Variants in DNMBP observed in about 807,000 individuals in gnomAD.
DNMBP encodes dynamin binding protein, also known as dynamin-binding protein.
In DNMBP, 87 loss-of-function variants were observed where a neutral mutation model predicts 150.0. That is an observed-to-expected ratio of 0.58 (90% CI 0.49 to 0.69). DNMBP has a LOEUF of 0.69. DNMBP is among the 30% of genes least tolerant of loss of function. The pLI, the probability that DNMBP is intolerant of heterozygous loss-of-function variation, is 0.00. For missense variants in DNMBP, 1,774 were observed against 1,949.0 expected (o/e 0.91, Z 1.69); for synonymous variants, 711 against 750.4 (o/e 0.95, Z 0.86).
intron 1 of DNMBP, among the ~76,000 whole-genome samples, chr10:99,989,479 G>A (rs2040863976): frequency 6.6e-6 from 1 of 152,192 alleles, no homozygotes; most frequent in African/African-American, 2.4e-5. Context: ...GGGAGGCTGA[G>A]GCAGGTGGAT....
intron 4 of DNMBP, among the ~76,000 whole-genome samples, chr10:99,931,429 G>A (rs866537000): frequency 1.3e-5 from 2 of 152,188 alleles, no homozygotes; most frequent in Admixed American, 1.3e-4. Flanking sequence ...CCCACCTGCA[G>A]ACAGTTAGTC....
At chr10:99,938,476 G>A (rs561170959) in intron 4 of DNMBP, among the ~76,000 whole-genome samples, 13 of 152,146 alleles carry the variant, frequency 8.5e-5, no homozygotes, top group Admixed American at 6.5e-4. Flanking sequence ...CCTGGGAGGC[G>A]GAGGTTGCAG....
intron 16 of DNMBP, among the ~76,000 whole-genome samples, chr10:99,879,239 C>T (rs1159810898): frequency 2.0e-5 from 3 of 152,044 alleles, no homozygotes; most frequent in Non-Finnish European, 4.4e-5. Context: ...CCGAGGTGGG[C>T]GGATCACTTG....
In DNMBP at chr10:99,976,796, A is replaced by C. The variant is rs900900286; in HGVS notation, c.-10-4662T>G. Among the ~76,000 whole-genome samples, 3 of 151,798 alleles carry C rather than the reference A, an allele frequency of 2.0e-5. No individual in the cohort carries two copies. In the South Asian group the frequency reaches 6.2e-4, roughly 31 times the overall value. On this transcript the variant is annotated intron_variant, in intron 1 of 16. Coordinates refer to ENST00000324109, the MANE Select transcript of DNMBP (RefSeq NM_015221.4). ...CCTAAGTATTTTCTTAAAAAAAAAA[A>C]CACCACACATAATGTCCTGCAAACT...
intron 4 of DNMBP, among the ~76,000 whole-genome samples, chr10:99,918,772 C>T (rs1461789445): frequency 6.6e-6 from 1 of 152,054 alleles, no homozygotes; most frequent in Non-Finnish European, 1.5e-5. Context: ...TCACCATGGT[C>T]TGCAACTTCT....
At chr10:99,992,566 A>G (rs11596321) in intron 1 of DNMBP, among the ~76,000 whole-genome samples, 63,340 of 140,050 alleles carry the variant, frequency 0.45, 14,554 homozygotes, top group African/African-American at 0.59. Context: ...TGGCTCTGTC[A>G]CCCAGGCTGG....
At chr10:100,001,325 G>T (rs1299015893) in intron 1 of DNMBP, among the ~76,000 whole-genome samples, 1 of 147,204 alleles carries the variant, frequency 6.8e-6, no homozygotes, top group Non-Finnish European at 1.5e-5. Flanking sequence ...CTCACCATAG[G>T]GATGTTCACC....
intron 4 of DNMBP, among the ~76,000 whole-genome samples, chr10:99,939,921 T>A (rs777525827): frequency 6.6e-6 from 1 of 152,180 alleles, no homozygotes; most frequent in Non-Finnish European, 1.5e-5. Context: ...ACTGTCCACA[T>A]CCCTATGGTT....
Position 99,926,112 on chromosome 10 carries a change from G to A in DNMBP, c.2261-16966C>T, listed in dbSNP as rs574198119. ...ATTATTTACATGCAAAACAGGTAACGTGGAATTTGAAACACCAGGTCCCCT... is the reference window on the plus strand; with the variant it reads ...ATTATTTACATGCAAAACAGGTAACATGGAATTTGAAACACCAGGTCCCCT... On this transcript the variant is annotated intron_variant, in intron 4 of 16. Coordinates refer to ENST00000324109, the MANE Select transcript of DNMBP (RefSeq NM_015221.4). 3.9e-5 allele frequency among the ~76,000 whole-genome samples: 6 copies of A among 152,232 alleles called. No individual in the cohort carries two copies. In the South Asian group the frequency reaches 8.3e-4, roughly 21 times the overall value.
chr10:99,955,562 C>T lies in DNMBP; in HGVS notation c.1912G>A (p.Val638Met), dbSNP rs2040478376. The T allele has an allele frequency of 1.9e-6, 3 of 1,608,588 alleles. No individual in the cohort carries two copies. Among genetic ancestry groups the T allele is most frequent in the Non-Finnish European group, 2.5e-6 (3 of 1,177,388 alleles). Residue 638 changes from valine (V) to methionine (M), a missense_variant, in exon 4 of 17, where the codon GTG becomes ATG. By Grantham distance (21) the Val-to-Met change is conservative (BLOSUM62 1). Transcript: ENST00000324109. ...GGAGCTGGGCGAGAGGGTCGCACCA[C>T]CAAGGGTGGTGCAGGTTTTAGGTTC... ...DQNLKPAPPL[V>M]VRPSRPAPLP...
chr10:100,004,625 T>C (rs553538929), intron 1 of DNMBP, among the ~76,000 whole-genome samples: 133 of 152,208 alleles, frequency 8.7e-4, no homozygotes, highest in African/African-American at 2.9e-3. Context: ...TGGATTCCTA[T>C]CTAACACATG....
In DNMBP at chr10:99,895,016, T is replaced by C. The variant is rs2039631018; in HGVS notation, c.3086A>G (p.Asn1029Ser). 6.2e-7 allele frequency: 1 copy of C among 1,613,042 alleles called. No homozygotes were observed. Among genetic ancestry groups the C allele is most frequent in the Non-Finnish European group, 8.5e-7 (1 of 1,179,400 alleles). The change falls in exon 11 of 17, where the codon AAC becomes AGC. Residue 1029 changes from asparagine (N) to serine (S), a missense_variant. By Grantham distance (46) the Asn-to-Ser change is conservative. This residue lies in a region of DNMBP where 1,430 missense variants were observed against 1,492.5 expected (regional missense o/e 0.96). Coordinates refer to ENST00000324109, the MANE Select transcript of DNMBP (RefSeq NM_015221.4). ...KDEVFEETEK[N>S]FRMQERLIKS... is the part of the protein sequence containing the mutation. ...AATCAATCTTTCTTGCATTCGGAAG[T>C]TTTTTTCTGTTTCTTCAAATACTTC... is the stretch of plus-strand genomic sequence containing the variant.
At chr10:99,913,993 T>A (rs201736975) in intron 4 of DNMBP, 53 of 1,499,786 alleles carry the variant, frequency 3.5e-5, no homozygotes, top group Non-Finnish European at 4.4e-5. Context: ...GGTGTGGGCC[T>A]GAGGGTAAGC....
intron 4 of DNMBP, among the ~76,000 whole-genome samples, chr10:99,911,589 G>A (rs780856689): frequency 6.6e-6 from 1 of 152,126 alleles, no homozygotes; most frequent in Non-Finnish European, 1.5e-5. Context: ...TGCATGTGGA[G>A]AGTGGGGATT....
chr10:99,929,761 G>C, intron 4 of DNMBP: 1 of 702,844 alleles, frequency 1.4e-6, no homozygotes, highest in East Asian at 2.7e-5. Flanking sequence ...GACGAGCTCT[G>C]AGGAATCCCC....
intron 16 of DNMBP, among the ~76,000 whole-genome samples, chr10:99,878,776 G>A (rs1590204949): frequency 1.3e-5 from 2 of 152,136 alleles, no homozygotes; most frequent in East Asian, 3.9e-4. Flanking sequence ...GCAACAAACG[G>A]TGCAGCAAAG....
At chr10:99,960,767 T>C (rs1026111745) in intron 3 of DNMBP, among the ~76,000 whole-genome samples, 20 of 152,056 alleles carry the variant, frequency 1.3e-4, no homozygotes, top group African/African-American at 3.9e-4. Context: ...GGCTGCACCA[T>C]TGCACTCCAG....
chr10:99,970,645 C>A lies in DNMBP; in HGVS notation c.145+1335G>T, dbSNP rs991409393. Among the ~76,000 whole-genome samples, 22 of 152,172 alleles carry A rather than the reference C, an allele frequency of 1.4e-4. No homozygotes were observed. In the East Asian group the frequency reaches 2.9e-3, roughly 20 times the overall value. ...CAGCCAGAGGAAACAAGGTGGAGAG[C>A]ACCTTGTGTTCCACAAATCATAAAG... On this transcript the variant is annotated intron_variant, in intron 2 of 16. Coordinates refer to ENST00000324109, the MANE Select transcript of DNMBP (RefSeq NM_015221.4).
At chr10:99,922,502 GTTTTTT>G (rs71189108) in intron 4 of DNMBP, among the ~76,000 whole-genome samples, 180 of 78,782 alleles carry the variant, frequency 2.3e-3, no homozygotes, top group Middle Eastern at 0.018. Context: ...AGCTGCTGCT[GTTTTTT>G]TTTTTTTTTT....
Sources: gnomAD v4.1 joint callset for allele counts (sites outside exome capture counted in the v4.1 genomes callset) on GRCh38, gnomAD v4.1.1 for gene constraint, gnomAD v4.1.1 regional missense constraint, MANE v1.5 for transcripts, NCBI Gene and HGNC (gene_info 2026-07-23, HGNC 2026-07-21) for gene names.